Variants in SHISA9 observed in about 807,000 individuals in gnomAD.
SHISA9 encodes the protein protein shisa-9.
A neutral mutation model predicts 38.0 loss-of-function variants in SHISA9; 13 were observed. That is an observed-to-expected ratio of 0.34 (90% confidence interval 0.22 to 0.54). SHISA9 has a LOEUF of 0.54. SHISA9 is among the 20% of genes least tolerant of loss of function. The probability of loss-of-function intolerance (pLI) is 0.91; values close to 1 mark genes in which losing one functional copy is unlikely to be tolerated. For missense variants in SHISA9, 538 were observed against 575.8 expected (o/e 0.93, Z 0.67); for synonymous variants, 275 against 242.0 (o/e 1.14, Z -1.27).
chr16:13,534,774 T>C, the SHISA9 span, among the ~76,000 whole-genome samples: 7 of 152,176 alleles, frequency 4.6e-5, no homozygotes, highest in Admixed American at 6.5e-5. Flanking sequence ...TTCCAAGGTG[T>C]AGTCGTTAGC....
intron 2 of SHISA9, among the ~76,000 whole-genome samples, chr16:12,974,842 C>T (rs1276235324): frequency 6.6e-6 from 1 of 152,076 alleles, no homozygotes; most frequent in Non-Finnish European, 1.5e-5. Context: ...TTATTCTGAA[C>T]CTGAAACTAT....
intron 2 of SHISA9, among the ~76,000 whole-genome samples, chr16:13,119,175 C>T (rs926677485): frequency 6.6e-6 from 1 of 152,174 alleles, no homozygotes. Context: ...CCCACTTTTG[C>T]CCATTTCTTA....
chr16:13,167,185 G>C (rs2050645289), intron 2 of SHISA9, among the ~76,000 whole-genome samples: 1 of 149,308 alleles, frequency 6.7e-6, no homozygotes, highest in Non-Finnish European at 1.5e-5. Flanking sequence ...TGATTTTCCT[G>C]CTTCAGCCTC....
chr16:12,978,645 T>A (rs151318875), intron 2 of SHISA9, among the ~76,000 whole-genome samples: 52 of 152,346 alleles, frequency 3.4e-4, no homozygotes, highest in Admixed American at 1.4e-3. Context: ...AAGGAGTGTT[T>A]TGAAGCAGTG....
the SHISA9 span, among the ~76,000 whole-genome samples, chr16:13,319,801 T>TAA: frequency 6.3e-3 from 876 of 138,578 alleles, 7 homozygotes; most frequent in East Asian, 0.014. Flanking sequence ...ACAGAGCTGT[T>TAA]AAAAAAAAAA....
At chr16:13,396,239 G>C in the SHISA9 span, among the ~76,000 whole-genome samples, 41 of 152,320 alleles carry the variant, frequency 2.7e-4, no homozygotes, top group South Asian at 8.5e-3. Context: ...GGATGCAATG[G>C]CTCACGCCTG....
intron 4 of SHISA9, 52 bp downstream of exon 4, chr16:13,213,352 A>G (rs1441840665): frequency 1.3e-6 from 2 of 1,507,964 alleles, no homozygotes; most frequent in African/African-American, 1.4e-5. Context: ...CAAAGTTAGC[A>G]TTAAATAATG....
chr16:13,559,635 G>A, the SHISA9 span, among the ~76,000 whole-genome samples: 1,646 of 151,952 alleles, frequency 0.011, 22 homozygotes, highest in Non-Finnish European at 0.015. Context: ...CTCCCACCTC[G>A]GCCTCCCAAA....
chr16:13,335,120 T>C, the SHISA9 span, among the ~76,000 whole-genome samples: 1,520 of 152,342 alleles, frequency 1.0e-2, 23 homozygotes, highest in African/African-American at 0.033. Context: ...CATTCATCCA[T>C]TGGCTGGTCA....
Position 12,924,206 on chromosome 16 carries a change from G to A in SHISA9, c.691+7391G>A, listed in dbSNP as rs181308498. Among the ~76,000 whole-genome samples the A allele has an allele frequency of 6.7e-4, 102 of 152,264 alleles. 1 individual carries two copies. Among genetic ancestry groups the A allele is most frequent in the Middle Eastern group, 3.4e-3 (1 of 294 alleles). On this transcript the variant is annotated intron_variant, in intron 2 of 4. Transcript: ENST00000558583. ...GTAGTGGAGCAGGTTCTCCAAGAAA[G>A]GTGTGCATGAGGAGGGAAAGGCGAG...
intron 1 of SHISA9, among the ~76,000 whole-genome samples, chr16:12,906,782 C>A (rs1361396734): frequency 6.6e-6 from 1 of 152,080 alleles, no homozygotes; most frequent in Admixed American, 6.5e-5. Context: ...ACTGGAGAAT[C>A]CTGCGTTGTA....
chr16:13,226,199 G>A (rs2051277775), intron 4 of SHISA9, among the ~76,000 whole-genome samples: 1 of 152,220 alleles, frequency 6.6e-6, no homozygotes, highest in Non-Finnish European at 1.5e-5. Flanking sequence ...GAGGGGAACA[G>A]AAACATTATG....
chr16:13,173,617 A>G (rs2050707649), intron 2 of SHISA9, among the ~76,000 whole-genome samples: 1 of 152,150 alleles, frequency 6.6e-6, no homozygotes, highest in Admixed American at 6.6e-5. Context: ...TGGTTGTCAC[A>G]ACTTGCAGGA....
the SHISA9 span, among the ~76,000 whole-genome samples, chr16:13,364,556 A>G: frequency 6.6e-6 from 1 of 152,250 alleles, no homozygotes. Flanking sequence ...TATAGACAAT[A>G]TTAAACAGAC....
intron 2 of SHISA9, among the ~76,000 whole-genome samples, chr16:13,000,925 C>CTTAT (rs1005092706): frequency 6.6e-6 from 1 of 152,012 alleles, no homozygotes; most frequent in African/African-American, 2.4e-5. Context: ...TCTTGGGTTG[C>CTTAT]TTCTTTCTTT....
intron 2 of SHISA9, among the ~76,000 whole-genome samples, chr16:12,980,464 T>C (rs1244857897): frequency 6.6e-6 from 1 of 152,172 alleles, no homozygotes; most frequent in African/African-American, 2.4e-5. Context: ...GACATCAAGA[T>C]AATTTCTTTC....
chr16:13,307,702 T>C, the SHISA9 span, among the ~76,000 whole-genome samples: 1 of 152,262 alleles, frequency 6.6e-6, no homozygotes, highest in Non-Finnish European at 1.5e-5. Flanking sequence ...ATTTTTCCAT[T>C]CTTTCTCCTT....
the SHISA9 span, among the ~76,000 whole-genome samples, chr16:13,507,932 C>G: frequency 1.3e-5 from 2 of 152,190 alleles, no homozygotes; most frequent in Admixed American, 1.3e-4. Flanking sequence ...TTCTTCTTTT[C>G]TGATTGCAAC....
At chr16:13,063,321 T>G (rs923407953) in intron 2 of SHISA9, among the ~76,000 whole-genome samples, 2 of 152,032 alleles carry the variant, frequency 1.3e-5, no homozygotes, top group African/African-American at 2.4e-5. Flanking sequence ...TTTCTTTATC[T>G]GTAAAACGGG....
Sources: allele counts gnomAD v4.1 joint callset (sites outside exome capture counted in the v4.1 genomes callset), GRCh38; gene constraint gnomAD v4.1.1; transcripts MANE v1.5; gene names NCBI Gene and HGNC (gene_info 2026-07-23, HGNC 2026-07-21).